The following SGCZ variants were observed in gnomAD, a reference collection of about 807,000 sequenced individuals.
SGCZ encodes zeta-sarcoglycan.
SGCZ carries 40 observed loss-of-function variants against 41.3 expected under a neutral mutation model. The observed-to-expected ratio is 0.97, with a 90% CI of 0.75 to 1.26. The LOEUF (loss-of-function observed/expected upper bound fraction) is 1.26, where lower values mean the gene tolerates loss of function less well. SGCZ is among the 50% of genes most tolerant of loss of function. The pLI is 0.00. For missense variants in SGCZ, 552 were observed against 369.8 expected (o/e 1.49, Z -4.04); for synonymous variants, 206 against 137.5 (o/e 1.50, Z -3.49).
chr8:14,763,728 C>G lies in SGCZ; in HGVS notation c.40-208802G>C, dbSNP rs112643124. 5.7e-3 allele frequency among the ~76,000 whole-genome samples: 866 copies of G among 152,226 alleles called. 14 individuals carry two copies. The highest frequency in any genetic ancestry group is 0.02 in the African/African-American group (824 of 41,530). ...CTTAATATCTATCTACAATAAGTAA[C>G]AGTTTAACCATGAAAGAGTTACTTG... is the stretch of plus-strand genomic sequence containing the variant. On this transcript the variant is annotated intron_variant, in intron 1 of 7. Transcript: ENST00000382080.
intron 3 of SGCZ, among the ~76,000 whole-genome samples, chr8:14,268,191 C>A (rs540623527): frequency 2.0e-5 from 3 of 149,024 alleles, no homozygotes; most frequent in Non-Finnish European, 3.0e-5. Context: ...ACTGGGAATA[C>A]GGTAGACTAT....
chr8:14,457,574 G>T (rs181904276), intron 2 of SGCZ, among the ~76,000 whole-genome samples: 6 of 152,170 alleles, frequency 3.9e-5, no homozygotes, highest in African/African-American at 1.4e-4. Flanking sequence ...CAGTGGTCAC[G>T]CTCCTAGTCC....
chr8:14,411,548 CAT>C (rs1221727717), intron 2 of SGCZ, among the ~76,000 whole-genome samples: 6 of 152,038 alleles, frequency 3.9e-5, no homozygotes, highest in Non-Finnish European at 8.8e-5. Flanking sequence ...TTCAAGCTGA[CAT>C]AGAGAAATAT....
At chr8:14,480,395 A>G (rs1352585030) in intron 2 of SGCZ, among the ~76,000 whole-genome samples, 2 of 151,984 alleles carry the variant, frequency 1.3e-5, no homozygotes, top group Non-Finnish European at 2.9e-5. Context: ...AATTCTTCTC[A>G]TCCTTCTTTG....
intron 5 of SGCZ, among the ~76,000 whole-genome samples, chr8:14,119,157 T>C (rs1170150226): frequency 6.6e-6 from 1 of 152,140 alleles, no homozygotes; most frequent in African/African-American, 2.4e-5. Context: ...TTGGGCACTA[T>C]GGACATTTTT....
chr8:15,093,172 A>C (rs922227803), intron 1 of SGCZ, among the ~76,000 whole-genome samples: 19 of 152,184 alleles, frequency 1.2e-4, no homozygotes, highest in Non-Finnish European at 1.5e-5. Flanking sequence ...AGGTAATACT[A>C]GGTTTTCTCT....
At chr8:14,971,702 C>G (rs1389255268) in intron 1 of SGCZ, among the ~76,000 whole-genome samples, 10 of 140,676 alleles carry the variant, frequency 7.1e-5, no homozygotes, top group Non-Finnish European at 1.2e-4. Context: ...CAGGCTGGAG[C>G]ACAGTGGCAC....
chr8:15,005,751 A>G (rs1385120006), intron 1 of SGCZ, among the ~76,000 whole-genome samples: 1 of 152,218 alleles, frequency 6.6e-6, no homozygotes, highest in East Asian at 1.9e-4. Context: ...CTTAGCTGAT[A>G]TTTAACCTTA....
chr8:14,512,742 AGT>A (rs1201232396), intron 2 of SGCZ, among the ~76,000 whole-genome samples: 2 of 151,960 alleles, frequency 1.3e-5, no homozygotes, highest in African/African-American at 4.8e-5. Context: ...TGGGACGATA[AGT>A]GTGCATCACC....
intron 1 of SGCZ, among the ~76,000 whole-genome samples, chr8:15,002,662 G>A (rs76474224): frequency 6.6e-6 from 1 of 152,066 alleles, no homozygotes; most frequent in Admixed American, 6.5e-5. Flanking sequence ...CAAGCTTTTT[G>A]GGGGGAAATC....
rs1224830851 is a variant in SGCZ at position 14,479,741 on chromosome 8, T to C, written c.234+74991A>G. On this transcript the variant is annotated intron_variant, in intron 2 of 7. Coordinates refer to ENST00000382080, the MANE Select transcript of SGCZ (RefSeq NM_139167.4). ...TCCAGAATTCTACTTCTTTTTTTTTTTTTTTTTTTTTTTTTTTTTTATTTG... is the reference window on the plus strand; with the variant it reads ...TCCAGAATTCTACTTCTTTTTTTTTCTTTTTTTTTTTTTTTTTTTTATTTG... 1.7e-3 allele frequency among the ~76,000 whole-genome samples: 25 copies of C among 14,952 alleles called. 1 individual carries two copies. Among genetic ancestry groups the C allele is most frequent in the South Asian group, 2.5e-3 (1 of 400 alleles). 9.8% of individuals were successfully genotyped at this position (14,952 alleles called of 152,430 possible).
chr8:14,746,784 C>CCA lies in SGCZ; in HGVS notation c.40-191860_40-191859dup, dbSNP rs566124434. Among the ~76,000 whole-genome samples, 130 of 152,202 alleles carry CCA rather than the reference C, an allele frequency of 8.5e-4. 2 individuals carry two copies. The highest frequency in any genetic ancestry group is 4.1e-3 in the Admixed American group (62 of 15,284). ...GGTTTTTTGTGTGTTTGTGTGTATA[C>CCA]CAAACAGTATTTTTGTAAAAGATAA... On this transcript the variant is annotated intron_variant, in intron 1 of 7. Transcript: ENST00000382080.
intron 2 of SGCZ, among the ~76,000 whole-genome samples, chr8:14,491,069 G>A (rs1563364100): frequency 6.6e-6 from 1 of 152,060 alleles, no homozygotes; most frequent in Non-Finnish European, 1.5e-5. Flanking sequence ...ACTTGGCCTT[G>A]AATACTTCTT....
intron 1 of SGCZ, among the ~76,000 whole-genome samples, chr8:14,830,312 A>G (rs953259078): frequency 4.0e-5 from 6 of 151,646 alleles, no homozygotes; most frequent in African/African-American, 1.2e-4. Flanking sequence ...TGTAACTTAT[A>G]TTTCCAAGCT....
chr8:14,349,815 T>A lies in SGCZ; in HGVS notation c.235-25611A>T, dbSNP rs1313354708. Reference sequence around the variant, plus strand: ...CAAAGTGTATCTTCTGGAATAACAGTCCAAGTAGACATGCCATAAAAAAGT... The same window carrying A: ...CAAAGTGTATCTTCTGGAATAACAGACCAAGTAGACATGCCATAAAAAAGT... On this transcript the variant is annotated intron_variant, in intron 2 of 7. Coordinates refer to ENST00000382080, the MANE Select transcript of SGCZ (RefSeq NM_139167.4). 2.0e-5 allele frequency among the ~76,000 whole-genome samples: 3 copies of A among 152,078 alleles called. No homozygotes were observed. In the East Asian group the frequency reaches 5.8e-4, roughly 29 times the overall value.
chr8:14,265,364 T>G (rs1799833545), intron 3 of SGCZ, among the ~76,000 whole-genome samples: 1 of 152,156 alleles, frequency 6.6e-6, no homozygotes, highest in Non-Finnish European at 1.5e-5. Flanking sequence ...TTTTAGTAGT[T>G]CCATTTCCAT....
At chr8:14,704,972 A>AC (rs1809287823) in intron 1 of SGCZ, among the ~76,000 whole-genome samples, 1 of 152,016 alleles carries the variant, frequency 6.6e-6, no homozygotes, top group Non-Finnish European at 1.5e-5. Flanking sequence ...AAGTCTGATT[A>AC]CTTTTATAAC....
intron 1 of SGCZ, among the ~76,000 whole-genome samples, chr8:15,043,062 G>A (rs558789253): frequency 1.3e-5 from 2 of 152,228 alleles, no homozygotes; most frequent in Admixed American, 6.5e-5. Context: ...CACTGTCATG[G>A]TAACACTCTC....
chr8:14,517,857 TATC>T (rs1325608406), intron 2 of SGCZ, among the ~76,000 whole-genome samples: 2 of 151,888 alleles, frequency 1.3e-5, no homozygotes, highest in East Asian at 1.9e-4. Context: ...TATGTAGTAT[TATC>T]ATATTTTTAA....
Sources: allele counts gnomAD v4.1 joint callset (sites outside exome capture counted in the v4.1 genomes callset), GRCh38; gene constraint gnomAD v4.1.1; transcripts MANE v1.5; gene names NCBI Gene and HGNC (gene_info 2026-07-23, HGNC 2026-07-21).